NREP: variants seen among roughly 807,000 people sequenced by gnomAD.
NREP encodes the protein neuronal regeneration-related protein.
A neutral mutation model predicts 8.6 loss-of-function variants in NREP; 5 were observed. The observed-to-expected ratio is 0.58, with a 90% confidence interval of 0.30 to 1.22. NREP has a LOEUF of 1.22. NREP is among the 50% of genes most tolerant of loss of function. The pLI, the probability that NREP is intolerant of heterozygous loss-of-function variation, is 0.07. For missense variants in NREP, 86 were observed against 82.5 expected, an observed-to-expected ratio of 1.04 and a Z score of -0.17; for synonymous variants, 27 against 28.0, an observed-to-expected ratio of 0.96 and a Z score of 0.11.
At chr5:111,969,305 C>T (rs1172330680) in intron 2 of NREP, 1 of 152,190 alleles carries the variant, frequency 6.6e-6, no homozygotes, top group East Asian at 1.9e-4. Context: ...ATGACCAGGA[C>T]ACTGAACAAA....
chr5:111,928,972 T>C (rs548040960), intron 2 of NREP, among the ~76,000 whole-genome samples: 1 of 152,242 alleles, frequency 6.6e-6, no homozygotes, highest in South Asian at 2.1e-4. Context: ...CTTTAAATTA[T>C]TGTATGTAGT....
chr5:111,814,958 A>C (rs1313749209), intron 2 of NREP, among the ~76,000 whole-genome samples: 1 of 133,824 alleles, frequency 7.5e-6, no homozygotes, highest in Non-Finnish European at 1.6e-5. Flanking sequence ...ATAAGTTACC[A>C]AGAGGAAAAA....
chr5:111,929,705 T>C (rs1236105770), intron 2 of NREP, among the ~76,000 whole-genome samples: 2 of 152,202 alleles, frequency 1.3e-5, no homozygotes, highest in Non-Finnish European at 2.9e-5. Context: ...TTCTGTGTTA[T>C]TCAATTTGTC....
At chr5:111,876,782 T>C (rs551195700) in intron 2 of NREP, among the ~76,000 whole-genome samples, 12 of 152,336 alleles carry the variant, frequency 7.9e-5, no homozygotes, top group Non-Finnish European at 1.0e-4. Flanking sequence ...TGCCAGGCAC[T>C]AGTCTAAGTG....
At chr5:111,799,340 T>C (rs549340783) in intron 2 of NREP, among the ~76,000 whole-genome samples, 1 of 152,190 alleles carries the variant, frequency 6.6e-6, no homozygotes, top group Non-Finnish European at 1.5e-5. Context: ...TGCATTGAAT[T>C]TGTAGACTGC....
chr5:111,839,678 A>G (rs1039846465), intron 2 of NREP, among the ~76,000 whole-genome samples: 1 of 152,130 alleles, frequency 6.6e-6, no homozygotes, highest in Admixed American at 6.6e-5. Context: ...AGTTCAATAT[A>G]TAATATTACT....
At chr5:111,867,886 A>T (rs1753703970) in intron 2 of NREP, among the ~76,000 whole-genome samples, 1 of 152,056 alleles carries the variant, frequency 6.6e-6, no homozygotes, top group Non-Finnish European at 1.5e-5. Flanking sequence ...TAATTTCATG[A>T]CATCTAGTAT....
intron 3 of NREP, chr5:111,732,027 A>AGTT (rs1484168186): frequency 6.6e-6 from 1 of 152,100 alleles, no homozygotes; most frequent in African/African-American, 2.4e-5. Context: ...TGAACTCTGG[A>AGTT]GTTTTAATTA....
chr5:111,765,181 T>C (rs189926223), intron 2 of NREP, among the ~76,000 whole-genome samples: 2 of 152,132 alleles, frequency 1.3e-5, no homozygotes, highest in African/African-American at 4.8e-5. Context: ...TTGGTTCTTA[T>C]AAGGAATGCA....
At chr5:111,888,009 C>T (rs1306878702) in intron 2 of NREP, among the ~76,000 whole-genome samples, 1 of 152,124 alleles carries the variant, frequency 6.6e-6, no homozygotes, top group African/African-American at 2.4e-5. Context: ...TTGTATTTTA[C>T]AAGACTTACA....
At chr5:111,870,877 T>C (rs776338848) in intron 2 of NREP, among the ~76,000 whole-genome samples, 6 of 152,170 alleles carry the variant, frequency 3.9e-5, no homozygotes, top group Non-Finnish European at 7.3e-5. Context: ...ATAGGAAGCA[T>C]AGCCCTGCTG....
In NREP at chr5:111,821,498, T is replaced by C. The variant is rs192165469; in HGVS notation, c.136-85991A>G. Among the ~76,000 whole-genome samples, 10 of 152,322 alleles carry C rather than the reference T, an allele frequency of 6.6e-5. No homozygotes were observed. The East Asian group carries it at 1.7e-3, about 26-fold the overall frequency. On this transcript the variant is annotated intron_variant, in intron 2 of 3. Transcript: ENST00000395634. ...AGTTAAAGTCATTAATGTAATCATA[T>C]TTGGGGACACAATTATATTTCTAAA... is the stretch of plus-strand genomic sequence containing the variant.
chr5:111,879,486 A>G (rs763099098), intron 2 of NREP, among the ~76,000 whole-genome samples: 3 of 152,196 alleles, frequency 2.0e-5, no homozygotes, highest in Non-Finnish European at 4.4e-5. Context: ...AAAGGTTGGC[A>G]TTTTTTGAAA....
At chr5:111,735,212 A>C in intron 3 of NREP, 2 of 432,518 alleles carry the variant, frequency 4.6e-6, no homozygotes, top group South Asian at 7.5e-5. Context: ...TTTTAAATGA[A>C]AATTTTTCAT....
At chr5:111,879,817 G>C (rs1411326159) in intron 2 of NREP, among the ~76,000 whole-genome samples, 2 of 152,150 alleles carry the variant, frequency 1.3e-5, no homozygotes, top group African/African-American at 4.8e-5. Context: ...ATATGGCAGG[G>C]AGAGAAAGAA....
intron 2 of NREP, among the ~76,000 whole-genome samples, chr5:111,959,486 G>A (rs1436680675): frequency 6.6e-6 from 1 of 151,984 alleles, no homozygotes; most frequent in Non-Finnish European, 1.5e-5. Context: ...AACACAGATA[G>A]TCTAAACATG....
At chr5:111,870,848 GAATTT>G (rs1753772163) in intron 2 of NREP, among the ~76,000 whole-genome samples, 1 of 139,378 alleles carries the variant, frequency 7.2e-6, no homozygotes, top group Non-Finnish European at 1.6e-5. Context: ...AGACATGCAA[GAATTT>G]TACCCAGAGT....
chr5:111,762,654 T>C (rs1561656565), upstream of NREP, among the ~76,000 whole-genome samples: 1 of 152,120 alleles, frequency 6.6e-6, no homozygotes, highest in South Asian at 2.1e-4. Context: ...CACACGAAGA[T>C]GTGGGAAGAA....
At chr5:111,774,554 G>A (rs1016900786) in intron 2 of NREP, among the ~76,000 whole-genome samples, 7 of 152,256 alleles carry the variant, frequency 4.6e-5, no homozygotes, top group Admixed American at 2.6e-4. Flanking sequence ...GGAATGCAGC[G>A]TTTCAAAGTG....
Sources: allele counts gnomAD v4.1 joint callset (sites outside exome capture counted in the v4.1 genomes callset), GRCh38; gene constraint gnomAD v4.1.1; transcripts MANE v1.5; gene names NCBI Gene and HGNC (gene_info 2026-07-23, HGNC 2026-07-21).